Variants in ANTXR2 observed in about 807,000 individuals in gnomAD.
ANTXR2 encodes ANTXR cell adhesion molecule 2, also known as anthrax toxin receptor 2.
ANTXR2 carries 44 observed loss-of-function variants against 73.7 expected under a neutral mutation model. The observed-to-expected ratio is 0.60, with a 90% confidence interval of 0.47 to 0.77. The LOEUF is 0.77. Ranked by LOEUF, ANTXR2 falls within the 30% of genes least tolerant of loss-of-function variation. The probability of loss-of-function intolerance (pLI) is 0.00; values close to 1 mark genes in which losing one functional copy is unlikely to be tolerated. For synonymous variants in ANTXR2, 217 were observed against 205.9 expected (o/e 1.05, Z -0.46); for missense variants, 604 against 592.5 (o/e 1.02, Z -0.20).
At chr4:79,982,429 A>T (rs1037089585) in intron 14 of ANTXR2, among the ~76,000 whole-genome samples, 1 of 152,154 alleles carries the variant, frequency 6.6e-6, no homozygotes, top group Non-Finnish European at 1.5e-5. Context: ...TCAAATAAAA[A>T]TAAGTTGTTA....
At chr4:79,921,863 C>T (rs148643202) in intron 16 of ANTXR2, among the ~76,000 whole-genome samples, 12 of 151,754 alleles carry the variant, frequency 7.9e-5, no homozygotes, top group Admixed American at 4.6e-4. Flanking sequence ...TTTGGACAAT[C>T]GATTTATGCC....
intron 11 of ANTXR2, among the ~76,000 whole-genome samples, chr4:80,011,212 G>GTA (rs1412391438): frequency 6.6e-6 from 1 of 151,912 alleles, no homozygotes; most frequent in Non-Finnish European, 1.5e-5. Context: ...TACAGACCTA[G>GTA]TATATATATA....
chr4:79,917,896 T>C (rs1727419542), intron 16 of ANTXR2, among the ~76,000 whole-genome samples: 1 of 151,678 alleles, frequency 6.6e-6, no homozygotes, highest in Non-Finnish European at 1.5e-5. Flanking sequence ...GTGGTTTAGA[T>C]GTTGCAGTTA....
intron 16 of ANTXR2, among the ~76,000 whole-genome samples, chr4:79,927,822 C>T (rs1428918388): frequency 6.6e-6 from 1 of 152,034 alleles, no homozygotes; most frequent in African/African-American, 2.4e-5. Flanking sequence ...ATTAGGATGG[C>T]TACTATTCAA....
intron 16 of ANTXR2, among the ~76,000 whole-genome samples, chr4:79,975,082 T>C (rs1192538706): frequency 2.0e-5 from 3 of 152,236 alleles, no homozygotes; most frequent in Non-Finnish European, 4.4e-5. Flanking sequence ...TGGTTTTCAC[T>C]TCTGAACCCC....
intron 16 of ANTXR2, among the ~76,000 whole-genome samples, chr4:79,923,890 G>T (rs1306969266): frequency 6.6e-6 from 1 of 152,128 alleles, no homozygotes; most frequent in Non-Finnish European, 1.5e-5. Flanking sequence ...ACCAAGTTAT[G>T]CATCAGGGAG....
In ANTXR2 at chr4:80,031,642, T is replaced by A; in HGVS notation, c.847A>T (p.Ile283Phe). The A allele has an allele frequency of 6.5e-7, 1 of 1,527,416 alleles. No individual in the cohort carries two copies. Among genetic ancestry groups the A allele is most frequent in the South Asian group, 1.4e-5 (1 of 73,434 alleles). 94.6% of individuals were successfully genotyped at this position (1,527,416 alleles called of 1,614,324 possible). Residue 283 changes from isoleucine (I) to phenylalanine (F), a missense_variant, in exon 10 of 17, where the codon ATC becomes TTC. Coordinates refer to ENST00000403729, the MANE Select transcript of ANTXR2 (RefSeq NM_058172.6). The stretch of plus-strand genomic sequence containing the variant: ...ACTTACTCTCCAGCTTTATTCAGGA[T>A]AGGTGCAGGACAAAGCATAGAATTA... ...QLNSMLCPAP[I>F]LNKAGETLDV... is the part of the protein sequence containing the mutation.
At chr4:80,011,164 A>AAATT (rs1009552412) in intron 11 of ANTXR2, among the ~76,000 whole-genome samples, 2 of 152,030 alleles carry the variant, frequency 1.3e-5, no homozygotes, top group African/African-American at 4.8e-5. Context: ...TAAATTAAAT[A>AAATT]AATTAATTAA....
intron 3 of ANTXR2, among the ~76,000 whole-genome samples, chr4:80,061,315 A>G (rs1734242589): frequency 7.6e-6 from 1 of 131,080 alleles, no homozygotes; most frequent in East Asian, 2.1e-4. Context: ...TGTGTATTCT[A>G]TGCTTCATTG....
intron 10 of ANTXR2, 62 bp from the exon 11 acceptor site, chr4:80,019,038 T>TAAAA: frequency 8.8e-7 from 1 of 1,136,210 alleles, no homozygotes; most frequent in African/African-American, 1.6e-5. Flanking sequence ...AGGAGATTTT[T>TAAAA]ATTTCCTTAT....
At chr4:80,037,872 T>A (rs1046869545) in intron 7 of ANTXR2, among the ~76,000 whole-genome samples, 1 of 152,124 alleles carries the variant, frequency 6.6e-6, no homozygotes, top group Non-Finnish European at 1.5e-5. Context: ...GTGACAACAG[T>A]GAACCATCAA....
intron 11 of ANTXR2, among the ~76,000 whole-genome samples, chr4:80,011,155 A>G (rs1731555753): frequency 1.3e-5 from 2 of 149,186 alleles, no homozygotes; most frequent in African/African-American, 2.4e-5. Context: ...CAAAAAAAAT[A>G]AATTAAATAA....
At chr4:79,947,134 A>C (rs574629195) in intron 16 of ANTXR2, among the ~76,000 whole-genome samples, 3 of 152,310 alleles carry the variant, frequency 2.0e-5, no homozygotes, top group African/African-American at 7.2e-5. Context: ...AGCTACTCGC[A>C]GTTCTTCAGT....
At chr4:80,011,975 G>A (rs2110060878) in intron 11 of ANTXR2, among the ~76,000 whole-genome samples, 1 of 152,340 alleles carries the variant, frequency 6.6e-6, no homozygotes, top group Non-Finnish European at 1.5e-5. Context: ...TAAAATTCTA[G>A]TGAAGAGAAT....
intron 11 of ANTXR2, among the ~76,000 whole-genome samples, chr4:80,013,754 A>C (rs1731707558): frequency 5.3e-5 from 8 of 152,178 alleles, no homozygotes; most frequent in Admixed American, 5.2e-4. Context: ...TCATCAGCGC[A>C]AGTCTCACTT....
At chr4:79,987,281 A>AC (rs70944755) in intron 12 of ANTXR2, among the ~76,000 whole-genome samples, 10,484 of 151,762 alleles carry the variant, frequency 0.069, 438 homozygotes, top group Middle Eastern at 0.11. Context: ...TAAGAAAAAA[A>AC]AAAAAAAAAT....
At chr4:79,943,699 A>G (rs1441514695) in intron 16 of ANTXR2, among the ~76,000 whole-genome samples, 2 of 147,012 alleles carry the variant, frequency 1.4e-5, no homozygotes, top group Non-Finnish European at 3.0e-5. Flanking sequence ...ACTAACCTGC[A>G]CAATGTGCAC....
At chr4:79,918,814 T>A (rs1397239157) in intron 16 of ANTXR2, among the ~76,000 whole-genome samples, 1 of 152,000 alleles carries the variant, frequency 6.6e-6, no homozygotes, top group Admixed American at 6.6e-5. Flanking sequence ...AAATAAATTT[T>A]TATGACACTA....
chr4:79,951,952 G>C (rs13118694), intron 16 of ANTXR2, among the ~76,000 whole-genome samples: 113,555 of 151,976 alleles, frequency 0.75, 42,742 homozygotes, highest in East Asian at 0.96. Flanking sequence ...TATGTGGATT[G>C]TTGCCCTTTT....
Sources: gnomAD v4.1 joint callset for allele counts (sites outside exome capture counted in the v4.1 genomes callset) on GRCh38, gnomAD v4.1.1 for gene constraint, MANE v1.5 for transcripts, NCBI Gene and HGNC (gene_info 2026-07-23, HGNC 2026-07-21) for gene names.